PIWIL4: variants seen among roughly 807,000 people sequenced by gnomAD.
The protein encoded by PIWIL4 is piwi like RNA-mediated gene silencing 4, also known as piwi-like protein 4.
In PIWIL4, 50 loss-of-function variants were observed where a neutral mutation model predicts 100.9. The observed-to-expected ratio is 0.50, with a 90% CI of 0.39 to 0.63. The LOEUF (loss-of-function observed/expected upper bound fraction) is 0.63. PIWIL4 is among the 20% of genes least tolerant of loss of function. The pLI, the probability that PIWIL4 is intolerant of heterozygous loss-of-function variation, is 0.00. For synonymous variants in PIWIL4, 342 were observed against 367.5 expected, an observed-to-expected ratio of 0.93 and a Z score of 0.79; for missense variants, 887 against 1,043.3, an observed-to-expected ratio of 0.85 and a Z score of 2.06.
chr11:94,593,020 G>A (rs544948003), intron 8 of PIWIL4, among the ~76,000 whole-genome samples: 18 of 152,298 alleles, frequency 1.2e-4, no homozygotes, highest in Non-Finnish European at 1.3e-4. Flanking sequence ...CTGCTTCCCC[G>A]TAACATCCTA....
chr11:94,597,880 G>T lies in PIWIL4; in HGVS notation c.1345G>T (p.Val449Leu). 2 of 1,613,906 alleles carry T rather than the reference G, an allele frequency of 1.2e-6. No homozygotes were observed. The highest frequency in any genetic ancestry group is 2.2e-5 in the East Asian group (1 of 44,866). ...CCAGATATCTCTGACTGGCCGGATT[G>T]TGCCTTCAGAAAAAATATTAATGCA... ...GSQISLTGRI[V>L]PSEKILMQDH... The change falls in exon 11 of 20, where the codon GTG becomes TTG. Residue 449 changes from valine to leucine, a missense_variant. Physicochemically the swap from Val to Leu is conservative, Grantham distance 32 (BLOSUM62 1). Around this residue, in one of 2 missense-constraint regions of PIWIL4, gnomAD observed 741 missense variants for 930.0 expected, o/e 0.80. Coordinates refer to ENST00000299001, the MANE Select transcript of PIWIL4 (RefSeq NM_152431.3).
At chr11:94,602,025 A>AGAAGGTAGG in intron 12 of PIWIL4, 46 bp downstream of exon 12, 1 of 1,543,948 alleles carries the variant, frequency 6.5e-7, no homozygotes, top group Non-Finnish European at 8.8e-7. Context: ...TGGTTTGGTT[A>AGAAGGTAGG]GAAGGTAGGG....
In PIWIL4 at chr11:94,618,007, G is replaced by A. The variant is rs775482958; in HGVS notation, c.2068G>A (p.Val690Met). The A allele has an allele frequency of 1.9e-6, 3 of 1,613,194 alleles. No individual in the cohort carries two copies. In the African/African-American group the frequency reaches 4.0e-5, roughly 22 times the overall value. ...YNHDLPARII[V>M]YRAGVGDGQL... is the part of the protein sequence containing the mutation. ...TCATGATTTGCCAGCACGGATAATT[G>A]TGTACCGTGCTGGTGTAGGGGATGG... The change falls in exon 17 of 20, where the codon GTG becomes ATG. Residue 690 changes from valine (V) to methionine (M), a missense_variant. By Grantham distance (21) the Val-to-Met change is conservative. Transcript: ENST00000299001.
At chr11:94,585,018 T>G (rs1025066449) in intron 5 of PIWIL4, among the ~76,000 whole-genome samples, 3 of 152,100 alleles carry the variant, frequency 2.0e-5, no homozygotes, top group Non-Finnish European at 4.4e-5. Flanking sequence ...TGAGCTGAGA[T>G]CACGCCATTG....
chr11:94,567,475 T>C lies in PIWIL4; in HGVS notation c.-44T>C. 3 of 1,483,034 alleles carry C rather than the reference T, an allele frequency of 2.0e-6. No homozygotes were observed. Among genetic ancestry groups the C allele is most frequent in the South Asian group, 2.6e-5 (2 of 78,394 alleles). The allele number at this position is 1,483,034 out of a possible 1,614,324, so 91.9% of individuals were successfully genotyped here. ...TAGCCAAAGCAAAACATATCCTAAC[T>C]GAGACTTTGCAGCTCTTGTGGCCAC... is the stretch of plus-strand genomic sequence containing the variant. On this transcript the variant is annotated 5_prime_UTR_variant, in exon 1 of 20. Coordinates refer to ENST00000299001, the MANE Select transcript of PIWIL4 (RefSeq NM_152431.3).
chr11:94,592,967 T>C (rs928278578), intron 8 of PIWIL4, among the ~76,000 whole-genome samples: 1 of 152,162 alleles, frequency 6.6e-6, no homozygotes, highest in African/African-American at 2.4e-5. Context: ...CCCAAGCAAA[T>C]AGAAGAGCTG....
At chr11:94,607,317 C>T in intron 13 of PIWIL4, 122 bp from the exon 14 acceptor site, 1 of 842,662 alleles carries the variant, frequency 1.2e-6, no homozygotes, top group Middle Eastern at 3.6e-4. Flanking sequence ...GTTAGTGTTG[C>T]TTCTTGGGAA....
intron 13 of PIWIL4, among the ~76,000 whole-genome samples, chr11:94,606,685 T>A (rs1948722758): frequency 6.6e-6 from 1 of 151,964 alleles, no homozygotes; most frequent in African/African-American, 2.4e-5. Context: ...TTAGAAAAAA[T>A]TAGCCGGGCG....
chr11:94,589,442 C>A (rs1464685743), intron 8 of PIWIL4, among the ~76,000 whole-genome samples: 1 of 152,138 alleles, frequency 6.6e-6, no homozygotes, highest in African/African-American at 2.4e-5. Context: ...TCTGAGTAAT[C>A]TCCCTTTAAA....
At chr11:94,589,056 G>A in intron 7 of PIWIL4, 65 bp from the exon 8 acceptor site, 1 of 1,116,994 alleles carries the variant, frequency 9.0e-7, no homozygotes. Flanking sequence ...AATTAAAAGT[G>A]TGGTGAAGTA....
At chr11:94,578,837 T>C (rs1228871636) in intron 4 of PIWIL4, among the ~76,000 whole-genome samples, 1 of 152,174 alleles carries the variant, frequency 6.6e-6, no homozygotes, top group Non-Finnish European at 1.5e-5. Context: ...CTTTTTGAGG[T>C]CTCCTCATAT....
intron 3 of PIWIL4, among the ~76,000 whole-genome samples, chr11:94,576,731 T>C (rs1948242882): frequency 6.6e-6 from 1 of 152,192 alleles, no homozygotes; most frequent in Admixed American, 6.5e-5. Flanking sequence ...AGTTCCTTCC[T>C]CTCTCCGCAG....
intron 10 of PIWIL4, among the ~76,000 whole-genome samples, chr11:94,597,387 T>G (rs1032455796): frequency 6.6e-6 from 1 of 152,268 alleles, no homozygotes; most frequent in African/African-American, 2.4e-5. Context: ...ACATGCCATG[T>G]GCCAGGGACT....
intron 16 of PIWIL4, among the ~76,000 whole-genome samples, chr11:94,617,317 C>A (rs1305322992): frequency 6.6e-6 from 1 of 151,776 alleles, no homozygotes; most frequent in African/African-American, 2.4e-5. Flanking sequence ...TTATATTCCC[C>A]TCACATCGAA....
chr11:94,590,021 T>C (rs1205241253), intron 8 of PIWIL4, among the ~76,000 whole-genome samples: 1 of 152,256 alleles, frequency 6.6e-6, no homozygotes, highest in Non-Finnish European at 1.5e-5. Flanking sequence ...TTCAATTCTT[T>C]TTGAAAGCAC....
chr11:94,577,618 G>T, intron 4 of PIWIL4, 126 bp downstream of exon 4: 1 of 830,396 alleles, frequency 1.2e-6, no homozygotes, highest in Admixed American at 3.3e-5. Context: ...GAATTAAAAG[G>T]TAAGAATTTA....
At chr11:94,605,126 T>G (rs1204538960) in intron 13 of PIWIL4, among the ~76,000 whole-genome samples, 1 of 152,212 alleles carries the variant, frequency 6.6e-6, no homozygotes, top group African/African-American at 2.4e-5. Flanking sequence ...GTGCATATTT[T>G]CTATAAACAA....
At chr11:94,619,551 C>T (rs1487249823) in intron 17 of PIWIL4, among the ~76,000 whole-genome samples, 1 of 152,166 alleles carries the variant, frequency 6.6e-6, no homozygotes, top group Admixed American at 6.5e-5. Flanking sequence ...CTTGGGATAG[C>T]ATCCTTTTGC....
chr11:94,620,406 ATTATC>A (rs1271358761), intron 19 of PIWIL4, among the ~76,000 whole-genome samples: 5 of 152,218 alleles, frequency 3.3e-5, no homozygotes, highest in Non-Finnish European at 7.3e-5. Flanking sequence ...TGTTATATAC[ATTATC>A]TTATGCAAAC....
Sources: allele counts gnomAD v4.1 joint callset (sites outside exome capture counted in the v4.1 genomes callset), GRCh38; gene constraint gnomAD v4.1.1; regional missense constraint gnomAD v4.1.1; transcripts MANE v1.5; gene names NCBI Gene and HGNC (gene_info 2026-07-23, HGNC 2026-07-21).